NCAM2: variants seen among roughly 807,000 people sequenced by gnomAD.
The protein encoded by NCAM2 is neural cell adhesion molecule 2.
A neutral mutation model predicts 98.1 loss-of-function variants in NCAM2; 30 were observed. That is an observed-to-expected ratio of 0.31 (90% CI 0.23 to 0.41). NCAM2 has a LOEUF of 0.41. NCAM2 is among the 10% of genes least tolerant of loss of function. NCAM2 has a pLI of 1.00. For synonymous variants in NCAM2, 368 were observed against 342.4 expected (o/e 1.07, Z -0.83); for missense variants, 867 against 1,005.8 (o/e 0.86, Z 1.87).
intron 9 of NCAM2, among the ~76,000 whole-genome samples, chr21:21,405,081 G>C (rs544719046): frequency 2.7e-3 from 410 of 151,914 alleles, no homozygotes; most frequent in Non-Finnish European, 4.4e-3. Flanking sequence ...ATTGAGGAAA[G>C]TACAGTATAA....
chr21:21,257,817 G>A (rs1223679815), intron 1 of NCAM2, among the ~76,000 whole-genome samples: 3 of 152,098 alleles, frequency 2.0e-5, no homozygotes, highest in Admixed American at 1.3e-4. Flanking sequence ...TCCTGACCTC[G>A]TGATCTGCCC....
chr21:21,357,978 G>A (rs1289464310), intron 8 of NCAM2, among the ~76,000 whole-genome samples: 1 of 152,064 alleles, frequency 6.6e-6, no homozygotes, highest in Non-Finnish European at 1.5e-5. Flanking sequence ...ACTGTGCATG[G>A]TAGTACATCA....
At chr21:21,486,795 A>G (rs1011815276) in intron 15 of NCAM2, among the ~76,000 whole-genome samples, 2 of 152,196 alleles carry the variant, frequency 1.3e-5, no homozygotes, top group Non-Finnish European at 2.9e-5. Context: ...AGTGAGGTAT[A>G]CACAGAAATA....
chr21:21,307,869 A>G (rs1292799220), intron 5 of NCAM2, among the ~76,000 whole-genome samples: 2 of 152,090 alleles, frequency 1.3e-5, no homozygotes, highest in Non-Finnish European at 2.9e-5. Context: ...ATATCAGATG[A>G]AAAGGGGATC....
intron 1 of NCAM2, among the ~76,000 whole-genome samples, chr21:21,253,561 C>T (rs1455220767): frequency 1.3e-5 from 2 of 152,094 alleles, no homozygotes; most frequent in Non-Finnish European, 2.9e-5. Context: ...CAAACCTCAC[C>T]AGAATCTGTG....
At chr21:21,345,554 A>C (rs772089033) in intron 8 of NCAM2, among the ~76,000 whole-genome samples, 50 of 152,018 alleles carry the variant, frequency 3.3e-4, no homozygotes, top group Non-Finnish European at 2.9e-5. Context: ...GCTTGAAGAC[A>C]AGCTACTTGA....
At chr21:21,115,021 A>G (rs532515013) in intron 1 of NCAM2, among the ~76,000 whole-genome samples, 10 of 152,088 alleles carry the variant, frequency 6.6e-5, no homozygotes, top group African/African-American at 1.7e-4. Flanking sequence ...GGGTTTCACC[A>G]TGTTGGCCAG....
rs531286265 is a variant in NCAM2, at chr21:21,165,771, C to A, written c.56-114807C>A. On this transcript the variant is annotated intron_variant, in intron 1 of 17. Transcript: ENST00000400546. ...TCACAGAACAAATCAGTAAAAATTA[C>A]AGGTGTATTTTCCCTGCCTTCCCAA... Among the ~76,000 whole-genome samples, 16 of 152,224 alleles carry A rather than the reference C, an allele frequency of 1.1e-4. No homozygotes were observed. In the South Asian group the frequency reaches 3.3e-3, roughly 32 times the overall value.
At chr21:21,441,155 G>A (rs566417383) in intron 12 of NCAM2, among the ~76,000 whole-genome samples, 1 of 152,164 alleles carries the variant, frequency 6.6e-6, no homozygotes, top group East Asian at 1.9e-4. Context: ...ATCACCTTCA[G>A]GTAAACTTTA....
At position 21,527,257 on chromosome 21, in the gene NCAM2, G is replaced by A. The variant is rs190784780; in HGVS notation, c.2283-7280G>A. ...TTCCTGAGTAGCTGGGATTACAGGC[G>A]CGTGCCATCACGCCTGGCTAATTTT... On this transcript the variant is annotated intron_variant, in intron 16 of 17. Coordinates refer to ENST00000400546, the MANE Select transcript of NCAM2 (RefSeq NM_004540.5). Among the ~76,000 whole-genome samples, 726 of 152,038 alleles carry A rather than the reference G, an allele frequency of 4.8e-3. 4 individuals carry two copies. The highest frequency in any genetic ancestry group is 0.017 in the African/African-American group (692 of 41,482).
rs1333119584 is a variant in NCAM2 at position 21,542,741 on chromosome 21, A to T, written c.*4784A>T. 6.6e-6 allele frequency: 1 copy of T among 151,922 alleles called. No individual in the cohort carries two copies. The highest frequency in any genetic ancestry group is 1.5e-5 in the Non-Finnish European group (1 of 67,876). The allele number at this position is 151,922 out of a possible 1,614,324, so 9.4% of individuals were successfully genotyped here. The stretch of plus-strand genomic sequence containing the variant: ...ACCTGACTTTGAGAAGTGCTAGACC[A>T]GGGACTAGGAACGTTGCTTAGATAA... On this transcript the variant is annotated 3_prime_UTR_variant, in exon 18 of 18. Coordinates refer to ENST00000400546, the MANE Select transcript of NCAM2 (RefSeq NM_004540.5).
intron 9 of NCAM2, among the ~76,000 whole-genome samples, chr21:21,409,419 G>A (rs2076811710): frequency 6.6e-6 from 1 of 152,050 alleles, no homozygotes. Context: ...TGACATCTGT[G>A]GTTTAGTAAA....
At chr21:21,200,728 G>A (rs1222842874) in intron 1 of NCAM2, among the ~76,000 whole-genome samples, 1 of 5,178 alleles carries the variant, frequency 1.9e-4, no homozygotes, top group Non-Finnish European at 1.3e-3. Context: ...CTTAAAAATA[G>A]GTCTAAATTA....
intron 1 of NCAM2, among the ~76,000 whole-genome samples, chr21:21,045,607 C>G (rs1014238575): frequency 6.6e-6 from 1 of 152,042 alleles, no homozygotes; most frequent in Admixed American, 6.6e-5. Context: ...TGTGATCACA[C>G]AAACTGCACT....
chr21:21,448,335 T>C (rs994235582), intron 12 of NCAM2, among the ~76,000 whole-genome samples: 1 of 151,806 alleles, frequency 6.6e-6, no homozygotes, highest in African/African-American at 2.4e-5. Flanking sequence ...AAGTGGGAGA[T>C]GAACAATGAG....
In NCAM2 at chr21:21,264,949, A is replaced by ATATGTGTATGTG. The variant is rs1213400362; in HGVS notation, c.56-15625_56-15614dup. 1.4e-3 allele frequency among the ~76,000 whole-genome samples: 139 copies of ATATGTGTATGTG among 99,860 alleles called. 4 individuals carry two copies. The East Asian group carries it at 0.016, about 11-fold the overall frequency. The allele number at this position is 99,860 out of a possible 152,430, so 65.5% of individuals were successfully genotyped here. On this transcript the variant is annotated intron_variant, in intron 1 of 17. Coordinates refer to ENST00000400546, the MANE Select transcript of NCAM2 (RefSeq NM_004540.5). ...TACACATATATATGTGTGTGTATAT[A>ATATGTGTATGTG]TATGTGTATGTGTATATATACACAT...
chr21:21,297,978 T>G (rs932466667), intron 5 of NCAM2, among the ~76,000 whole-genome samples: 1 of 151,752 alleles, frequency 6.6e-6, no homozygotes, highest in Non-Finnish European at 1.5e-5. Flanking sequence ...AATTGTTTCT[T>G]TAGTCGATCT....
intron 5 of NCAM2, among the ~76,000 whole-genome samples, chr21:21,322,460 A>G (rs1002884655): frequency 2.6e-5 from 4 of 152,146 alleles, no homozygotes; most frequent in African/African-American, 7.2e-5. Context: ...AAAAAAAGAA[A>G]ACGTAAAAAG....
At chr21:21,337,760 C>T (rs999512029) in intron 7 of NCAM2, among the ~76,000 whole-genome samples, 2 of 151,696 alleles carry the variant, frequency 1.3e-5, no homozygotes, top group Non-Finnish European at 2.9e-5. Context: ...AAATTAGTTA[C>T]GTTGTCTAGT....
Sources: gnomAD v4.1 joint callset for allele counts (sites outside exome capture counted in the v4.1 genomes callset) on GRCh38, gnomAD v4.1.1 for gene constraint, MANE v1.5 for transcripts, NCBI Gene and HGNC (gene_info 2026-07-23, HGNC 2026-07-21) for gene names.